Variants in SUPT3H observed in about 807,000 individuals in gnomAD.
SUPT3H encodes transcription initiation protein SPT3 homolog.
Under a neutral mutation model 44.3 loss-of-function variants are expected in SUPT3H, and 44 were observed. The observed-to-expected ratio is 0.99, with a 90% CI of 0.78 to 1.28. SUPT3H has a LOEUF of 1.28. Among genes scored for constraint, SUPT3H ranks in the 50% most tolerant of loss-of-function variants. The probability of loss-of-function intolerance (pLI) is 0.00; values close to 1 mark genes in which losing one functional copy is unlikely to be tolerated. For synonymous variants in SUPT3H, 124 were observed against 125.6 expected, an observed-to-expected ratio of 0.99 and a Z score of 0.09; for missense variants, 380 against 387.1, an observed-to-expected ratio of 0.98 and a Z score of 0.15.
chr6:45,377,724 T>TC (rs1454441024), intron 1 of SUPT3H, 44 bp downstream of exon 1: 1 of 151,854 alleles, frequency 6.6e-6, no homozygotes, highest in Admixed American at 6.6e-5. Context: ...CTCTGACGTC[T>TC]CCCCCGCCCG....
At chr6:44,935,640 T>G (rs1179417789) in intron 9 of SUPT3H, among the ~76,000 whole-genome samples, 1 of 152,202 alleles carries the variant, frequency 6.6e-6, no homozygotes, top group Non-Finnish European at 1.5e-5. Context: ...TCACACTCTA[T>G]TCTTGTATCC....
chr6:45,054,512 T>G (rs1256813073), intron 3 of SUPT3H, among the ~76,000 whole-genome samples: 1 of 152,240 alleles, frequency 6.6e-6, no homozygotes, highest in Non-Finnish European at 1.5e-5. Context: ...TGAAGGCTCC[T>G]GTGTCATGTA....
At chr6:45,036,201 A>C (rs16873103) in intron 3 of SUPT3H, among the ~76,000 whole-genome samples, 17,999 of 152,172 alleles carry the variant, frequency 0.12, 1,253 homozygotes, top group African/African-American at 0.19. Flanking sequence ...TGCTATGCCA[A>C]ATAAGAAGAG....
intron 7 of SUPT3H, among the ~76,000 whole-genome samples, chr6:44,960,029 T>G (rs1295743616): frequency 6.6e-6 from 1 of 152,176 alleles, no homozygotes; most frequent in Non-Finnish European, 1.5e-5. Context: ...TAAATAGTTT[T>G]AAATGACCAA....
At chr6:45,263,028 C>T (rs1165355684) in intron 2 of SUPT3H, among the ~76,000 whole-genome samples, 4 of 152,134 alleles carry the variant, frequency 2.6e-5, no homozygotes, top group Non-Finnish European at 5.9e-5. Flanking sequence ...AAAGCTTACA[C>T]ACTGCTGGTG....
At chr6:45,003,092 T>C (rs1782218330) in intron 6 of SUPT3H, among the ~76,000 whole-genome samples, 1 of 152,124 alleles carries the variant, frequency 6.6e-6, no homozygotes, top group Admixed American at 6.6e-5. Flanking sequence ...ATAGCTAAGG[T>C]AAAAAGAAGA....
chr6:44,924,614 T>C (rs1486139410), intron 10 of SUPT3H, among the ~76,000 whole-genome samples: 3 of 152,122 alleles, frequency 2.0e-5, no homozygotes, highest in African/African-American at 7.2e-5. Flanking sequence ...ATAGAGTATT[T>C]AGCTGCTGTA....
At chr6:45,337,930 G>A (rs1788932653) in intron 2 of SUPT3H, among the ~76,000 whole-genome samples, 1 of 151,868 alleles carries the variant, frequency 6.6e-6, no homozygotes, top group South Asian at 2.1e-4. Context: ...CAAAACTCCT[G>A]ACTTGACAAT....
At chr6:45,239,966 T>C (rs1401501867) in intron 2 of SUPT3H, among the ~76,000 whole-genome samples, 2 of 152,212 alleles carry the variant, frequency 1.3e-5, no homozygotes, top group Non-Finnish European at 2.9e-5. Flanking sequence ...TATCAGCAGC[T>C]GAAGAGCATC....
intron 2 of SUPT3H, among the ~76,000 whole-genome samples, chr6:45,331,112 TGTGTGTGTGTGTGTGCGC>T (rs1787396049): frequency 6.7e-6 from 1 of 149,396 alleles, no homozygotes; most frequent in South Asian, 2.1e-4. Flanking sequence ...GTGGTGTGTG[TGTGTGTGTGTGTGTGCGC>T]GCGCGCGCGC....
intron 10 of SUPT3H, among the ~76,000 whole-genome samples, chr6:44,905,887 A>C (rs531564710): frequency 1.5e-3 from 221 of 152,296 alleles, no homozygotes; most frequent in African/African-American, 5.0e-3. Context: ...ACATGGATGA[A>C]GCTGGAAACC....
At chr6:45,353,893 A>G (rs536702817) in intron 2 of SUPT3H, among the ~76,000 whole-genome samples, 4 of 152,174 alleles carry the variant, frequency 2.6e-5, no homozygotes, top group Admixed American at 6.5e-5. Context: ...TGCCTTTAGT[A>G]TATCAAAGGT....
At chr6:45,054,543 T>C (rs981723210) in intron 3 of SUPT3H, among the ~76,000 whole-genome samples, 8 of 152,200 alleles carry the variant, frequency 5.3e-5, no homozygotes, top group Non-Finnish European at 1.0e-4. Flanking sequence ...GAAATAAATG[T>C]GTATGCTTTT....
intron 2 of SUPT3H, among the ~76,000 whole-genome samples, chr6:45,335,745 T>C (rs549257128): frequency 6.6e-6 from 1 of 151,356 alleles, no homozygotes; most frequent in African/African-American, 2.4e-5. Context: ...TGAAGTAATC[T>C]ATGAGAAAAC....
intron 2 of SUPT3H, among the ~76,000 whole-genome samples, chr6:45,194,465 T>C (rs910305903): frequency 6.6e-6 from 1 of 152,178 alleles, no homozygotes; most frequent in South Asian, 2.1e-4. Flanking sequence ...AAGAATACTA[T>C]TCAAGTGCTT....
intron 2 of SUPT3H, chr6:45,328,341 A>G (rs1562960709): frequency 7.3e-7 from 1 of 1,378,892 alleles, no homozygotes; most frequent in Middle Eastern, 2.1e-4. Context: ...TTCGCCTCAC[A>G]AACAACCACA....
At chr6:44,813,142 C>T (rs956293515) in intron 11 of SUPT3H, among the ~76,000 whole-genome samples, 2 of 152,174 alleles carry the variant, frequency 1.3e-5, no homozygotes, top group African/African-American at 4.8e-5. Context: ...TCCAACTGTA[C>T]CCCATCTGCC....
rs148422488 is a variant in SUPT3H at position 44,861,775 on chromosome 6, T to C, written c.913-31918A>G. 4.7e-3 allele frequency among the ~76,000 whole-genome samples: 718 copies of C among 152,244 alleles called. 8 individuals carry two copies. The highest frequency in any genetic ancestry group is 0.016 in the African/African-American group (670 of 41,542). Reference sequence around the variant, plus strand: ...GGGCCCTGGAAGTTTCCCAGAGTTGTCCTAGGAGCTGACAAGAGGGGCTAG... The same window carrying C: ...GGGCCCTGGAAGTTTCCCAGAGTTGCCCTAGGAGCTGACAAGAGGGGCTAG... On this transcript the variant is annotated intron_variant, in intron 10 of 10. Coordinates refer to ENST00000371459, the MANE Select transcript of SUPT3H (RefSeq NM_003599.4).
intron 2 of SUPT3H, among the ~76,000 whole-genome samples, chr6:45,229,850 G>A (rs1162254363): frequency 1.3e-5 from 2 of 152,056 alleles, no homozygotes; most frequent in African/African-American, 4.8e-5. Context: ...AAGTCCTCTA[G>A]TTACTTTGAA....
Sources: gnomAD v4.1 joint callset for allele counts (sites outside exome capture counted in the v4.1 genomes callset) on GRCh38, gnomAD v4.1.1 for gene constraint, MANE v1.5 for transcripts, NCBI Gene and HGNC (gene_info 2026-07-23, HGNC 2026-07-21) for gene names.